FARS2: variants seen among roughly 807,000 people sequenced by gnomAD.
FARS2 encodes phenylalanine--tRNA ligase, mitochondrial.
A neutral mutation model predicts 46.4 loss-of-function variants in FARS2; 40 were observed. The observed-to-expected ratio is 0.86, with a 90% CI of 0.67 to 1.12. FARS2 has a LOEUF of 1.12. Among genes scored for constraint, FARS2 ranks in the 50% most tolerant of loss-of-function variants. FARS2 has a pLI of 0.00. For synonymous variants in FARS2, 234 were observed against 214.9 expected (o/e 1.09, Z -0.78); for missense variants, 513 against 567.9 (o/e 0.90, Z 0.98).
intron 1 of FARS2, among the ~76,000 whole-genome samples, chr6:5,367,118 A>G (rs1015699625): frequency 2.0e-5 from 3 of 152,224 alleles, no homozygotes; most frequent in Non-Finnish European, 4.4e-5. Flanking sequence ...ACAGCCATTC[A>G]ACTTGCAGCT....
intron 6 of FARS2, among the ~76,000 whole-genome samples, chr6:5,653,447 G>A (rs1777463617): frequency 6.6e-6 from 1 of 152,232 alleles, no homozygotes; most frequent in Non-Finnish European, 1.5e-5. Flanking sequence ...CTACATGGAA[G>A]GCGTTGGACC....
Position 5,285,633 on chromosome 6 carries a change from A to G in FARS2, c.-22+23973A>G, listed in dbSNP as rs116500219. Reference sequence around the variant, plus strand: ...TCTCTTCAGGCAAGACTGCTTTTCAAATCTCTCCATTAGCAGTTCCATATC... The same window carrying G: ...TCTCTTCAGGCAAGACTGCTTTTCAGATCTCTCCATTAGCAGTTCCATATC... On this transcript the variant is annotated intron_variant, in intron 1 of 6. Coordinates refer to ENST00000274680, the MANE Select transcript of FARS2 (RefSeq NM_006567.5). 4.2e-3 allele frequency among the ~76,000 whole-genome samples: 641 copies of G among 152,264 alleles called. 2 individuals carry two copies. The highest frequency in any genetic ancestry group is 0.015 in the African/African-American group (605 of 41,530).
intron 1 of FARS2, among the ~76,000 whole-genome samples, chr6:5,296,170 C>T (rs945735414): frequency 2.1e-5 from 2 of 95,992 alleles, no homozygotes; most frequent in Admixed American, 1.7e-4. Flanking sequence ...GAGACGAAGT[C>T]TAGCTCTGTC....
intron 1 of FARS2, among the ~76,000 whole-genome samples, chr6:5,334,637 G>C (rs1038443079): frequency 6.6e-6 from 1 of 152,118 alleles, no homozygotes; most frequent in Non-Finnish European, 1.5e-5. Context: ...GCTAATGTTT[G>C]TTTGAAAATC....
At chr6:5,744,653 CCACT>C (rs1267339480) in intron 6 of FARS2, among the ~76,000 whole-genome samples, 1 of 152,088 alleles carries the variant, frequency 6.6e-6, no homozygotes, top group Non-Finnish European at 1.5e-5. Flanking sequence ...AGGAGGAAAC[CCACT>C]CTGGCTCTGC....
chr6:5,376,087 CT>C, intron 2 of FARS2, among the ~76,000 whole-genome samples: 1 of 152,102 alleles, frequency 6.6e-6, no homozygotes, highest in Non-Finnish European at 1.5e-5. Context: ...CTACTGGATT[CT>C]TTTTTTCATC....
Position 5,540,535 on chromosome 6 carries a change from G to A in FARS2, c.905-4645G>A, listed in dbSNP as rs535045173. On this transcript the variant is annotated intron_variant, in intron 4 of 6. Transcript: ENST00000274680. ...CTCTGAGACATCATTCATTCGCACT[G>A]TCGTGTCTTCAGCTTTGTGCTGTGA... Among the ~76,000 whole-genome samples the A allele has an allele frequency of 3.9e-5, 6 of 152,278 alleles. 2 individuals carry two copies. The highest frequency in any genetic ancestry group is 1.4e-4 in the African/African-American group (6 of 41,546).
chr6:5,253,665 C>T, the FARS2 span, among the ~76,000 whole-genome samples: 4 of 152,020 alleles, frequency 2.6e-5, no homozygotes, highest in East Asian at 1.9e-4. Flanking sequence ...GCCTAGTCGC[C>T]GGCCATTGGA....
chr6:5,595,760 G>A (rs909844301), intron 5 of FARS2, among the ~76,000 whole-genome samples: 1 of 152,106 alleles, frequency 6.6e-6, no homozygotes. Flanking sequence ...TTTACGATAC[G>A]CTTACCGACG....
At chr6:5,694,783 G>C (rs1279755695) in intron 6 of FARS2, 1 of 148,060 alleles carries the variant, frequency 6.8e-6, no homozygotes, top group Non-Finnish European at 1.5e-5. Flanking sequence ...CAGGAGGATT[G>C]CTTCAGGCCG....
intron 1 of FARS2, among the ~76,000 whole-genome samples, chr6:5,356,935 G>A (rs1292842596): frequency 8.9e-6 from 1 of 111,736 alleles, no homozygotes; most frequent in Non-Finnish European, 1.9e-5. Context: ...GAAGTGGAGG[G>A]CTATTTTTTT....
intron 4 of FARS2, among the ~76,000 whole-genome samples, chr6:5,487,122 A>G (rs952396997): frequency 6.6e-6 from 1 of 152,184 alleles, no homozygotes; most frequent in Non-Finnish European, 1.5e-5. Context: ...CTGATATAAC[A>G]TTGCTTATAC....
At chr6:5,392,416 G>A (rs1760577430) in intron 2 of FARS2, among the ~76,000 whole-genome samples, 1 of 152,138 alleles carries the variant, frequency 6.6e-6, no homozygotes, top group Non-Finnish European at 1.5e-5. Flanking sequence ...TATAGTGCAT[G>A]TATGATTAGA....
At chr6:5,548,739 ACT>A (rs1416811481) in intron 5 of FARS2, among the ~76,000 whole-genome samples, 5 of 151,834 alleles carry the variant, frequency 3.3e-5, no homozygotes, top group African/African-American at 9.7e-5. Flanking sequence ...ATAGAAATAG[ACT>A]CTTGATCTCT....
At chr6:5,381,370 A>AATACACACACACACACAC (rs368344271) in intron 2 of FARS2, among the ~76,000 whole-genome samples, 6 of 132,902 alleles carry the variant, frequency 4.5e-5, no homozygotes, top group African/African-American at 6.6e-5. Context: ...ACTCCCCAGA[A>AATACACACACACACACAC]ACACACACAC....
intron 2 of FARS2, among the ~76,000 whole-genome samples, chr6:5,382,036 G>A (rs1385293626): frequency 6.6e-6 from 1 of 152,228 alleles, no homozygotes; most frequent in South Asian, 2.1e-4. Flanking sequence ...TGGGTCCTGC[G>A]GGGAGCAGAT....
chr6:5,345,564 C>T (rs925757548), intron 1 of FARS2, among the ~76,000 whole-genome samples: 6 of 152,282 alleles, frequency 3.9e-5, no homozygotes, highest in Admixed American at 1.3e-4. Flanking sequence ...ACGAAGTCCA[C>T]GTGCTGTCTG....
intron 1 of FARS2, among the ~76,000 whole-genome samples, chr6:5,274,374 A>G (rs1208217047): frequency 6.6e-6 from 1 of 152,212 alleles, no homozygotes; most frequent in East Asian, 1.9e-4. Flanking sequence ...AGGCATAGCC[A>G]CAAGACACAG....
intron 4 of FARS2, among the ~76,000 whole-genome samples, chr6:5,456,343 A>G (rs1764860503): frequency 6.6e-6 from 1 of 152,246 alleles, no homozygotes; most frequent in South Asian, 2.1e-4. Context: ...TACAGCTTGC[A>G]TTCACGCAGC....
Sources: allele counts gnomAD v4.1 joint callset (sites outside exome capture counted in the v4.1 genomes callset), GRCh38; gene constraint gnomAD v4.1.1; transcripts MANE v1.5; gene names NCBI Gene and HGNC (gene_info 2026-07-23, HGNC 2026-07-21).